PCNX4: variants seen among roughly 807,000 people sequenced by gnomAD.
PCNX4 encodes the protein pecanex 4, also known as pecanex-like protein 4.
Under a neutral mutation model 107.2 loss-of-function variants are expected in PCNX4, and 103 were observed. The observed-to-expected ratio is 0.96, with a 90% CI of 0.82 to 1.13. PCNX4 has a LOEUF of 1.13. Ranked by LOEUF, PCNX4 falls within the 50% of genes most tolerant of loss-of-function variation. PCNX4 has a pLI of 0.00. For missense variants in PCNX4, 1,528 were observed against 1,379.4 expected, an observed-to-expected ratio of 1.11 and a Z score of -1.71; for synonymous variants, 541 against 481.7, an observed-to-expected ratio of 1.12 and a Z score of -1.61.
rs766718642 is a variant in PCNX4, at chr14:60,107,630, C to G, written c.-9C>G. On this transcript the variant is annotated 5_prime_UTR_variant, in exon 2 of 11. Coordinates refer to ENST00000406854, the MANE Select transcript of PCNX4 (RefSeq NM_001330177.2). Reference sequence around the variant, plus strand: ...AAGCATGTGACTTTCAGAATAATCCCGAGTGAGGATGAGTCCAGATGTGCC... The same window carrying G: ...AAGCATGTGACTTTCAGAATAATCCGGAGTGAGGATGAGTCCAGATGTGCC... The G allele has an allele frequency of 6.9e-6, 11 of 1,593,910 alleles. No individual in the cohort carries two copies. Among genetic ancestry groups the G allele is most frequent in the Non-Finnish European group, 9.4e-6 (11 of 1,169,128 alleles).
intron 2 of PCNX4, chr14:60,108,555 T>A (rs1306137619): frequency 1.8e-5 from 6 of 332,960 alleles, no homozygotes; most frequent in Non-Finnish European, 3.4e-5. Context: ...CTTTTTGAGA[T>A]AAGGAACTTT....
rs527811088 is a variant in PCNX4, at chr14:60,142,146, T to C, written c.*7925T>C. The C allele has an allele frequency of 3.3e-5, 5 of 152,318 alleles. No individual in the cohort carries two copies. In the East Asian group the frequency reaches 5.8e-4, roughly 18 times the overall value. 9.4% of individuals were successfully genotyped at this position (152,318 alleles called of 1,614,324 possible). ...CAAAGGGAAACTTCTGGGGCTGATA[T>C]ATGTGTTTACTCTCTTGATTGTGGT... On this transcript the variant is annotated 3_prime_UTR_variant, in exon 11 of 11. Transcript: ENST00000406854. This position sits in a 1 kb window ranked among gnomAD's most constrained non-coding sequence, Gnocchi z 4.7.
chr14:60,109,946 TCTC>T (rs1895709648), intron 2 of PCNX4: 1 of 167,212 alleles, frequency 6.0e-6, no homozygotes, highest in Admixed American at 6.5e-5. Context: ...GCAGTTGGCT[TCTC>T]CTGTTTCTAG....
chr14:60,138,344 CTG>C lies in PCNX4; in HGVS notation c.*4124_*4125del, dbSNP rs1386938760. 1.3e-5 allele frequency: 2 copies of C among 152,112 alleles called. No homozygotes were observed. Among genetic ancestry groups the C allele is most frequent in the Admixed American group, 6.5e-5 (1 of 15,274 alleles). 9.4% of individuals were successfully genotyped at this position (152,112 alleles called of 1,614,324 possible). On this transcript the variant is annotated 3_prime_UTR_variant, in exon 11 of 11. Transcript: ENST00000406854. The stretch of plus-strand genomic sequence containing the variant: ...GAAGCAACCTGTGAGGAGATAATGA[CTG>C]AGAATTCTCCAAGTTTTTAAGACAT...
At position 60,115,781 on chromosome 14, in the gene PCNX4, GTGTC is replaced by G. The variant is rs1194212654; in HGVS notation, c.1428_1431del (p.Cys477LeufsTer29). The G allele has an allele frequency of 6.2e-6, 10 of 1,613,218 alleles. No individual in the cohort carries two copies. Among genetic ancestry groups the G allele is most frequent in the South Asian group, 1.1e-5 (1 of 91,042 alleles). On this transcript the variant is annotated frameshift_variant, in exon 5 of 11. Coordinates refer to ENST00000406854, the MANE Select transcript of PCNX4 (RefSeq NM_001330177.2). LOFTEE classifies it high-confidence loss of function. The stretch of plus-strand genomic sequence containing the variant: ...CAGTTCCTTACAAGGGCTCCACTCA[GTGTC>G]TGTCTGTATTGGATTCACAAGAGCC...
intron 1 of PCNX4, among the ~76,000 whole-genome samples, chr14:60,098,886 C>T (rs538663996): frequency 2.0e-5 from 3 of 150,964 alleles, no homozygotes; most frequent in Admixed American, 6.6e-5. Flanking sequence ...TGCAGTGAGC[C>T]GAGATCATGC....
chr14:60,111,278 A>G, intron 2 of PCNX4: 1 of 152,172 alleles, frequency 6.6e-6, no homozygotes, highest in Non-Finnish European at 1.5e-5. Context: ...CAATTTCTTA[A>G]CTTTTAGTCT....
chr14:60,129,965 A>G (rs995679441), intron 10 of PCNX4, among the ~76,000 whole-genome samples: 3 of 152,240 alleles, frequency 2.0e-5, no homozygotes, highest in African/African-American at 7.2e-5. Flanking sequence ...AGACAAAGAA[A>G]ACAAAGGAAA....
chr14:60,117,961 TG>T (rs1254556552), intron 6 of PCNX4, among the ~76,000 whole-genome samples: 2 of 152,202 alleles, frequency 1.3e-5, no homozygotes, highest in African/African-American at 2.4e-5. Context: ...CTTTACTTTT[TG>T]TAGGTTATTC....
At chr14:60,097,967 T>C (rs1350788666) in intron 1 of PCNX4, among the ~76,000 whole-genome samples, 1 of 152,054 alleles carries the variant, frequency 6.6e-6, no homozygotes, top group Non-Finnish European at 1.5e-5. Context: ...AACTACAGGG[T>C]CTGGATTGAC....
intron 1 of PCNX4, among the ~76,000 whole-genome samples, chr14:60,107,291 G>A (rs1416053276): frequency 6.6e-6 from 1 of 152,178 alleles, no homozygotes; most frequent in Non-Finnish European, 1.5e-5. Flanking sequence ...TAAGGTGGGA[G>A]GATCACTTTG....
rs1006321206 is a variant in PCNX4, at chr14:60,091,990, C to G, written c.-483C>G. 2 of 152,434 alleles carry G rather than the reference C, an allele frequency of 1.3e-5. No individual in the cohort carries two copies. Among genetic ancestry groups the G allele is most frequent in the African/African-American group, 4.8e-5 (2 of 41,470 alleles). The allele number at this position is 152,434 out of a possible 1,614,324, so 9.4% of individuals were successfully genotyped here. Reference sequence around the variant, plus strand: ...TTTCCCCGCTGCTGCTTCTGCTAGGCCCAGTGCGAGACCAGAGCACGAGCG... The same window carrying G: ...TTTCCCCGCTGCTGCTTCTGCTAGGGCCAGTGCGAGACCAGAGCACGAGCG... On this transcript the variant is annotated 5_prime_UTR_variant, in exon 1 of 11. Transcript: ENST00000406854.
chr14:60,118,564 G>A lies in PCNX4; in HGVS notation c.1814G>A (p.Arg605Gln), dbSNP rs144345462. Residue 605 changes from arginine (R) to glutamine (Q), a missense_variant, in exon 7 of 11, where the codon CGA becomes CAA. Physicochemically the swap from Arg to Gln is conservative, Grantham distance 43. Transcript: ENST00000406854. ...CCTGTGTTCTTGGTGGGGTTTCCCCGACCTATTCAGAGTTGGCCAGGAGCA... is the reference window on the plus strand; with the variant it reads ...CCTGTGTTCTTGGTGGGGTTTCCCCAACCTATTCAGAGTTGGCCAGGAGCA... The part of the protein sequence containing the change: ...TLPVFLVGFP[R>Q]PIQSWPGAAG... The A allele has an allele frequency of 6.9e-4, 1,116 of 1,613,606 alleles. 5 individuals are homozygous for A. The African/African-American group carries it at 0.013, about 19-fold the overall frequency.
intron 2 of PCNX4, among the ~76,000 whole-genome samples, chr14:60,113,454 C>T (rs888732470): frequency 2.0e-5 from 3 of 151,942 alleles, no homozygotes; most frequent in South Asian, 2.1e-4. Flanking sequence ...CTGGAACCTC[C>T]GCCTCCCAGG....
At chr14:60,115,530 A>G (rs1315502926) in intron 4 of PCNX4, 69 bp downstream of exon 4, 8 of 1,465,450 alleles carry the variant, frequency 5.5e-6, no homozygotes, top group East Asian at 2.3e-5. Context: ...AATATTACTC[A>G]ATTCCCATAT....
At chr14:60,121,113 G>A in intron 7 of PCNX4, 83 bp from the exon 8 acceptor site, 1 of 1,465,858 alleles carries the variant, frequency 6.8e-7, no homozygotes, top group Non-Finnish European at 9.0e-7. Context: ...TGTCTTTTTA[G>A]TTTTGAAGAT....
At chr14:60,104,605 A>G (rs1895596300) in intron 1 of PCNX4, among the ~76,000 whole-genome samples, 2 of 152,230 alleles carry the variant, frequency 1.3e-5, no homozygotes, top group Admixed American at 1.3e-4. Flanking sequence ...ACAATTTCTC[A>G]TGGCTGAGGA....
At position 60,124,653 on chromosome 14, in the gene PCNX4, G is replaced by T. The variant is rs774535601; in HGVS notation, c.2482G>T (p.Asp828Tyr). The T allele has an allele frequency of 6.2e-7, 1 of 1,613,590 alleles. No homozygotes were observed. Among genetic ancestry groups the T allele is most frequent in the Non-Finnish European group, 8.5e-7 (1 of 1,179,706 alleles). Residue 828 changes from aspartate (D) to tyrosine (Y), a missense_variant, in exon 9 of 11, where the codon GAT (aspartate) becomes TAT (tyrosine). Physicochemically the swap from Asp to Tyr is radical, Grantham distance 160 (BLOSUM62 -3). Transcript: ENST00000406854. ...TGACTGGTCTGATGATAATATTTTT[G>T]ATGATGAGCCAACTATCAAAAAAGT... The part of the protein sequence containing the change: ...FNDWSDDNIF[D>Y]DEPTIKKVIE...
At chr14:60,095,509 G>A (rs1134484) in intron 1 of PCNX4, among the ~76,000 whole-genome samples, 4 of 152,204 alleles carry the variant, frequency 2.6e-5, no homozygotes, top group Non-Finnish European at 4.4e-5. Flanking sequence ...AAACCAAAAG[G>A]GGGGAGACAG....
Sources: gnomAD v4.1 joint callset for allele counts (sites outside exome capture counted in the v4.1 genomes callset) on GRCh38, gnomAD v4.1.1 for gene constraint, Gnocchi (gnomAD v3.1) non-coding constraint, MANE v1.5 for transcripts, NCBI Gene and HGNC (gene_info 2026-07-23, HGNC 2026-07-21) for gene names.